The following MSI2 variants were observed in gnomAD, a reference collection of about 807,000 sequenced individuals.
MSI2 encodes the protein RNA-binding protein Musashi homolog 2.
In MSI2, 17 loss-of-function variants were observed where a neutral mutation model predicts 45.6. The ratio of observed to expected loss-of-function variants is 0.37; its 90% CI spans 0.26 to 0.56. The LOEUF is 0.56. Among genes scored for constraint, MSI2 ranks in the 20% least tolerant of loss-of-function variants. The probability of loss-of-function intolerance (pLI) is 0.77; values close to 1 mark genes in which losing one functional copy is unlikely to be tolerated. For synonymous variants in MSI2, 156 were observed against 158.2 expected, an observed-to-expected ratio of 0.99 and a Z score of 0.11; for missense variants, 293 against 444.2, an observed-to-expected ratio of 0.66 and a Z score of 3.06.
chr17:57,312,609 G>T (rs772509126), intron 5 of MSI2, among the ~76,000 whole-genome samples: 16 of 152,212 alleles, frequency 1.1e-4, no homozygotes, highest in Non-Finnish European at 1.0e-4. Context: ...CAGGTCCTGT[G>T]TGAGAAGGAA....
At chr17:57,638,311 C>T (rs1228633478) in intron 10 of MSI2, among the ~76,000 whole-genome samples, 2 of 152,206 alleles carry the variant, frequency 1.3e-5, no homozygotes, top group African/African-American at 4.8e-5. Context: ...CTCTCTGTCA[C>T]TTCAGTTGGG....
At chr17:57,475,071 G>A (rs1399747110) in intron 6 of MSI2, among the ~76,000 whole-genome samples, 2 of 152,210 alleles carry the variant, frequency 1.3e-5, no homozygotes, top group African/African-American at 2.4e-5. Flanking sequence ...CATCTGAGGT[G>A]CTTGATCCAG....
chr17:57,313,775 G>T (rs1327511804), intron 5 of MSI2, among the ~76,000 whole-genome samples: 1 of 152,220 alleles, frequency 6.6e-6, no homozygotes, highest in Non-Finnish European at 1.5e-5. Context: ...AGACAGGTGA[G>T]ACAGGGCTCT....
chr17:57,543,332 G>T (rs2087093583), intron 7 of MSI2, among the ~76,000 whole-genome samples: 1 of 152,220 alleles, frequency 6.6e-6, no homozygotes, highest in Non-Finnish European at 1.5e-5. Flanking sequence ...TGATTTAGAA[G>T]AAACACTGAA....
chr17:57,460,782 T>C (rs1598295985), intron 6 of MSI2, among the ~76,000 whole-genome samples: 1 of 151,522 alleles, frequency 6.6e-6, no homozygotes, highest in Non-Finnish European at 1.5e-5. Context: ...CAAGGGGAGG[T>C]CACCATTGAG....
chr17:57,458,896 A>T (rs2085169566), intron 6 of MSI2, among the ~76,000 whole-genome samples: 1 of 152,188 alleles, frequency 6.6e-6, no homozygotes, highest in African/African-American at 2.4e-5. Flanking sequence ...GTTGCTGGGC[A>T]CCTGGCGAGA....
chr17:57,414,659 C>A (rs1195575857), intron 6 of MSI2, among the ~76,000 whole-genome samples: 1 of 152,114 alleles, frequency 6.6e-6, no homozygotes, highest in Non-Finnish European at 1.5e-5. Context: ...GTTGGCCTCC[C>A]AAAATGCTGG....
intron 7 of MSI2, among the ~76,000 whole-genome samples, chr17:57,564,528 C>T (rs112233287): frequency 3.9e-5 from 6 of 152,288 alleles, no homozygotes; most frequent in Admixed American, 1.3e-4. Context: ...TTCTACCCAT[C>T]TCATGGCTAC....
At chr17:57,539,885 T>G (rs1460771124) in intron 7 of MSI2, among the ~76,000 whole-genome samples, 1 of 152,214 alleles carries the variant, frequency 6.6e-6, no homozygotes, top group Non-Finnish European at 1.5e-5. Flanking sequence ...CCCCAAGTTA[T>G]GACTAGTAAA....
chr17:57,389,360 T>C (rs183112336), intron 5 of MSI2, among the ~76,000 whole-genome samples: 20 of 152,348 alleles, frequency 1.3e-4, no homozygotes, highest in Admixed American at 7.2e-4. Flanking sequence ...CCGTTGGGCC[T>C]GGCCTATCCT....
At chr17:57,446,341 G>A (rs1460047538) in intron 6 of MSI2, among the ~76,000 whole-genome samples, 2 of 152,078 alleles carry the variant, frequency 1.3e-5, no homozygotes, top group South Asian at 2.1e-4. Flanking sequence ...GGGAGATGAG[G>A]TTAGCGAGGT....
At chr17:57,285,748 A>G (rs1909815644) in intron 5 of MSI2, 1 of 1,023,836 alleles carries the variant, frequency 9.8e-7, no homozygotes, top group Non-Finnish European at 1.3e-6. Flanking sequence ...ATTTCTGTGT[A>G]CATGGAACTC....
At chr17:57,282,448 T>A (rs1409556630) in intron 5 of MSI2, among the ~76,000 whole-genome samples, 1 of 152,190 alleles carries the variant, frequency 6.6e-6, no homozygotes, top group Non-Finnish European at 1.5e-5. Flanking sequence ...AAATTAGTGC[T>A]GGCCTCCTGA....
the MSI2 span, among the ~76,000 whole-genome samples, chr17:57,692,795 G>A: frequency 2.6e-5 from 4 of 151,736 alleles, no homozygotes; most frequent in African/African-American, 9.7e-5. Context: ...TAATTTTGAT[G>A]CTAAATCTAC....
At chr17:57,532,610 C>G (rs915401129) in intron 7 of MSI2, among the ~76,000 whole-genome samples, 1 of 152,230 alleles carries the variant, frequency 6.6e-6, no homozygotes, top group Non-Finnish European at 1.5e-5. Context: ...CATCTGTGGC[C>G]TGATGGAGTG....
chr17:57,288,787 C>T (rs1206974479), intron 5 of MSI2, among the ~76,000 whole-genome samples: 4 of 152,136 alleles, frequency 2.6e-5, no homozygotes, highest in Non-Finnish European at 5.9e-5. Context: ...AACTTTGGCA[C>T]TGTTGACATT....
At chr17:57,403,327 T>C (rs1267934306) in intron 6 of MSI2, among the ~76,000 whole-genome samples, 1 of 152,238 alleles carries the variant, frequency 6.6e-6, no homozygotes, top group African/African-American at 2.4e-5. Flanking sequence ...TCTGTTGTTT[T>C]TCATTAACAC....
chr17:57,381,853 G>A (rs1044781544), intron 5 of MSI2, among the ~76,000 whole-genome samples: 8 of 151,970 alleles, frequency 5.3e-5, no homozygotes, highest in East Asian at 1.9e-4. Context: ...GTGTAGAGTC[G>A]TGTGAGCTTA....
chr17:57,686,771 A>G (rs1913893320), downstream of MSI2, among the ~76,000 whole-genome samples: 4 of 152,154 alleles, frequency 2.6e-5, 1 homozygote, highest in Non-Finnish European at 5.9e-5. Flanking sequence ...GCCACTAGAA[A>G]TGCAGAGAAC....
Sources: gnomAD v4.1 joint callset for allele counts (sites outside exome capture counted in the v4.1 genomes callset) on GRCh38, gnomAD v4.1.1 for gene constraint, MANE v1.5 for transcripts, NCBI Gene and HGNC (gene_info 2026-07-23, HGNC 2026-07-21) for gene names.